The following SLC9A9 variants were observed in gnomAD, a reference collection of about 807,000 sequenced individuals.
SLC9A9 encodes solute carrier family 9 member A9.
SLC9A9 carries 62 observed loss-of-function variants against 77.8 expected under a neutral mutation model. The observed-to-expected ratio is 0.80, with a 90% confidence interval of 0.65 to 0.98. The LOEUF (loss-of-function observed/expected upper bound fraction) is 0.98. Ranked by LOEUF, SLC9A9 falls within the 50% of genes least tolerant of loss-of-function variation. The probability of loss-of-function intolerance (pLI) is 0.00; values close to 1 mark genes in which losing one functional copy is unlikely to be tolerated. For missense variants in SLC9A9, 775 were observed against 774.9 expected (o/e 1.00, Z 0.00); for synonymous variants, 320 against 283.5 (o/e 1.13, Z -1.29).
At chr3:143,390,971 G>C (rs1296581781) in intron 12 of SLC9A9, among the ~76,000 whole-genome samples, 1 of 152,222 alleles carries the variant, frequency 6.6e-6, no homozygotes, top group Non-Finnish European at 1.5e-5. Context: ...ACTAGGTGGA[G>C]CCCACCGCAG....
intron 4 of SLC9A9, among the ~76,000 whole-genome samples, chr3:143,740,971 A>T (rs1487451469): frequency 6.6e-6 from 1 of 152,240 alleles, no homozygotes. Context: ...AATGTAGATT[A>T]GATTAGAGTT....
At chr3:143,617,624 C>A (rs1283413954) in intron 6 of SLC9A9, among the ~76,000 whole-genome samples, 2 of 152,130 alleles carry the variant, frequency 1.3e-5, no homozygotes, top group Non-Finnish European at 2.9e-5. Flanking sequence ...AGATCTGTCC[C>A]TTTTGGACCT....
At chr3:143,797,740 C>A (rs113408231) in intron 2 of SLC9A9, among the ~76,000 whole-genome samples, 23,941 of 151,988 alleles carry the variant, frequency 0.16, 2,064 homozygotes, top group South Asian at 0.28. Context: ...CACCTTGTGT[C>A]CCCCGCCCCT....
chr3:143,798,412 A>G (rs967770331), intron 2 of SLC9A9, among the ~76,000 whole-genome samples: 1 of 152,014 alleles, frequency 6.6e-6, no homozygotes, highest in South Asian at 2.1e-4. Flanking sequence ...TGGCAAGTCA[A>G]TTGCGGGGAC....
chr3:143,722,131 G>A (rs1934515073), intron 4 of SLC9A9, among the ~76,000 whole-genome samples: 2 of 152,144 alleles, frequency 1.3e-5, no homozygotes, highest in South Asian at 2.1e-4. Context: ...TCAAAACTGG[G>A]TAGCACTCCC....
chr3:143,486,659 A>G (rs2035657131), intron 11 of SLC9A9, among the ~76,000 whole-genome samples: 1 of 152,072 alleles, frequency 6.6e-6, no homozygotes, highest in South Asian at 2.1e-4. Context: ...ACAGAGTTGT[A>G]AAGGAGGCAG....
In SLC9A9 at chr3:143,265,653, G is replaced by C. The variant is rs192118675; in HGVS notation, c.*1049C>G. 12 of 392,308 alleles carry C rather than the reference G, an allele frequency of 3.1e-5. No homozygotes were observed. Among genetic ancestry groups the C allele is most frequent in the Middle Eastern group, 6.3e-4 (1 of 1,580 alleles). The allele number at this position is 392,308 out of a possible 1,614,324, so 24.3% of individuals were successfully genotyped here. A position where few individuals can be genotyped will look rare whatever the true frequency, so the allele number is the denominator to read the frequency against. Reference sequence around the variant, plus strand: ...ATGCAGCTGAATTAAAAGCTATCATGTTGGTCTCTGGAATGCAGGCCATGA... The same window carrying C: ...ATGCAGCTGAATTAAAAGCTATCATCTTGGTCTCTGGAATGCAGGCCATGA... On this transcript the variant is annotated 3_prime_UTR_variant, in exon 16 of 16. Transcript: ENST00000316549.
chr3:143,643,300 A>G (rs1230323087), intron 6 of SLC9A9, among the ~76,000 whole-genome samples: 1 of 152,230 alleles, frequency 6.6e-6, no homozygotes, highest in Non-Finnish European at 1.5e-5. Context: ...ACAACTGCCC[A>G]GGCTAGGGAT....
intron 4 of SLC9A9, among the ~76,000 whole-genome samples, chr3:143,697,430 T>C (rs6776693): frequency 0.43 from 65,332 of 151,970 alleles, 14,218 homozygotes; most frequent in South Asian, 0.6. Flanking sequence ...CAATGTACAT[T>C]AGTGAGTGCT....
At chr3:143,625,654 T>C (rs2038309007) in intron 6 of SLC9A9, among the ~76,000 whole-genome samples, 1 of 152,148 alleles carries the variant, frequency 6.6e-6, no homozygotes, top group South Asian at 2.1e-4. Flanking sequence ...CCTAAAACCA[T>C]AAAAACCCTA....
intron 14 of SLC9A9, among the ~76,000 whole-genome samples, chr3:143,345,994 C>T (rs184270777): frequency 2.0e-5 from 3 of 152,214 alleles, no homozygotes; most frequent in South Asian, 2.1e-4. Flanking sequence ...AATAAATGTC[C>T]TCTTTAAAGC....
chr3:143,577,356 C>T (rs893284506), intron 7 of SLC9A9, among the ~76,000 whole-genome samples: 3 of 152,180 alleles, frequency 2.0e-5, no homozygotes, highest in African/African-American at 4.8e-5. Context: ...TGCTAGTCTT[C>T]GCCTCCTGAA....
chr3:143,707,175 G>C (rs1576672743), intron 4 of SLC9A9, among the ~76,000 whole-genome samples: 1 of 152,106 alleles, frequency 6.6e-6, no homozygotes, highest in African/African-American at 2.4e-5. Context: ...GGCCTCTACT[G>C]TCTTCTTAGC....
rs552758058 is a variant in SLC9A9, at chr3:143,846,416, CT to C, written c.175+1731del. On this transcript the variant is annotated intron_variant, in intron 1 of 15. Coordinates refer to ENST00000316549, the MANE Select transcript of SLC9A9 (RefSeq NM_173653.4). ...TATTAGTCAAGTCAAGAGAAAAATT[CT>C]GTTCATGATGGAGATAGGCAAATGA... Among the ~76,000 whole-genome samples the C allele has an allele frequency of 2.1e-3, 318 of 152,308 alleles. 1 individual carries two copies. In the Middle Eastern group the frequency reaches 0.024, roughly 11 times the overall value.
intron 5 of SLC9A9, among the ~76,000 whole-genome samples, chr3:143,685,681 A>T (rs1933241706): frequency 6.6e-6 from 1 of 152,168 alleles, no homozygotes; most frequent in South Asian, 2.1e-4. Context: ...AGTTCCATAA[A>T]TACCAGGATG....
chr3:143,715,110 A>G (rs758704734), intron 4 of SLC9A9, among the ~76,000 whole-genome samples: 1 of 152,166 alleles, frequency 6.6e-6, no homozygotes, highest in African/African-American at 2.4e-5. Flanking sequence ...CTGCAAGTCC[A>G]TTAAACCTCT....
At chr3:143,626,762 A>C (rs2038336220) in intron 6 of SLC9A9, 2 of 152,172 alleles carry the variant, frequency 1.3e-5, no homozygotes, top group South Asian at 4.1e-4. Context: ...AACTTAATAT[A>C]ATAATAATTT....
At chr3:143,630,659 G>A (rs979681193) in intron 6 of SLC9A9, among the ~76,000 whole-genome samples, 25 of 152,010 alleles carry the variant, frequency 1.6e-4, no homozygotes, top group African/African-American at 6.0e-4. Flanking sequence ...AATTTGAGGG[G>A]GAAAATGGAA....
intron 6 of SLC9A9, among the ~76,000 whole-genome samples, chr3:143,629,702 C>T (rs1470301702): frequency 6.6e-6 from 1 of 151,956 alleles, no homozygotes; most frequent in Non-Finnish European, 1.5e-5. Context: ...TGAGAAAGAG[C>T]TGTCCAGGAA....
Sources: allele counts gnomAD v4.1 joint callset (sites outside exome capture counted in the v4.1 genomes callset), GRCh38; gene constraint gnomAD v4.1.1; transcripts MANE v1.5; gene names NCBI Gene and HGNC (gene_info 2026-07-23, HGNC 2026-07-21).